RAB3C: variants seen among roughly 807,000 people sequenced by gnomAD.
RAB3C encodes the protein ras-related protein Rab-3C.
RAB3C carries 17 observed loss-of-function variants against 26.4 expected under a neutral mutation model. That is an observed-to-expected ratio of 0.64 (90% CI 0.44 to 0.97). The LOEUF is 0.97. Ranked by LOEUF, RAB3C falls within the 50% of genes least tolerant of loss-of-function variation. RAB3C has a pLI of 0.00. For synonymous variants in RAB3C, 91 were observed against 95.9 expected (o/e 0.95, Z 0.30); for missense variants, 242 against 281.9 (o/e 0.86, Z 1.01).
upstream of RAB3C, chr5:58,582,930 G>T: frequency 1.3e-6 from 1 of 758,258 alleles, no homozygotes. Context: ...GATCGAGCCT[G>T]TTTAATGGTT....
intron 4 of RAB3C, among the ~76,000 whole-genome samples, chr5:58,838,064 A>G (rs1743789032): frequency 6.6e-6 from 1 of 152,030 alleles, no homozygotes; most frequent in African/African-American, 2.4e-5. Context: ...ATGATTTGCC[A>G]ATTTTGCTTA....
chr5:58,699,539 G>A (rs1247729279), intron 2 of RAB3C, among the ~76,000 whole-genome samples: 1 of 152,210 alleles, frequency 6.6e-6, no homozygotes, highest in Non-Finnish European at 1.5e-5. Context: ...GAAGTTGTCT[G>A]CTGCCTTTTG....
intron 2 of RAB3C, among the ~76,000 whole-genome samples, chr5:58,650,885 G>A (rs1056862052): frequency 3.9e-5 from 6 of 152,226 alleles, no homozygotes; most frequent in Non-Finnish European, 8.8e-5. Context: ...AGTCTCAAGG[G>A]CAAAGAAAAG....
chr5:58,821,618 T>C (rs759209592), intron 3 of RAB3C, among the ~76,000 whole-genome samples: 7 of 152,336 alleles, frequency 4.6e-5, no homozygotes, highest in East Asian at 3.9e-4. Context: ...TATTATTAAC[T>C]TAGGTATCAG....
At chr5:58,837,697 TACAGGTGCCCACC>T (rs1743782712) in intron 4 of RAB3C, among the ~76,000 whole-genome samples, 1 of 150,404 alleles carries the variant, frequency 6.6e-6, no homozygotes, top group South Asian at 2.1e-4. Context: ...TAGCTGGAAG[TACAGGTGCCCACC>T]ACCACACCCA....
At chr5:58,763,382 G>A (rs942438229) in intron 3 of RAB3C, among the ~76,000 whole-genome samples, 1 of 152,118 alleles carries the variant, frequency 6.6e-6, no homozygotes, top group Non-Finnish European at 1.5e-5. Context: ...TGTTCTCTAA[G>A]CTTCTTTCCA....
chr5:58,746,981 C>T (rs937146098), intron 3 of RAB3C, among the ~76,000 whole-genome samples: 1 of 152,174 alleles, frequency 6.6e-6, no homozygotes, highest in African/African-American at 2.4e-5. Flanking sequence ...AGGACTGAAG[C>T]AACAGACTTT....
intron 2 of RAB3C, among the ~76,000 whole-genome samples, chr5:58,628,795 G>A (rs1447953348): frequency 1.3e-5 from 2 of 152,162 alleles, no homozygotes; most frequent in East Asian, 3.9e-4. Flanking sequence ...TTGCCAGGCT[G>A]AGCACGCTCC....
intron 2 of RAB3C, among the ~76,000 whole-genome samples, chr5:58,700,508 G>A (rs542609012): frequency 1.3e-4 from 20 of 152,248 alleles, no homozygotes; most frequent in Non-Finnish European, 1.2e-4. Flanking sequence ...ATTAACTTAT[G>A]GATCTAATGG....
intron 3 of RAB3C, among the ~76,000 whole-genome samples, chr5:58,775,282 C>T (rs755833940): frequency 2.2e-4 from 34 of 152,076 alleles, no homozygotes; most frequent in Non-Finnish European, 4.9e-4. Flanking sequence ...GACCTAAGTA[C>T]CAAATGTCAA....
chr5:58,670,516 G>A (rs553245691), intron 2 of RAB3C, among the ~76,000 whole-genome samples: 2 of 152,236 alleles, frequency 1.3e-5, no homozygotes, highest in Admixed American at 1.3e-4. Context: ...TTAAGGACCT[G>A]CCAATTTTCA....
chr5:58,804,820 C>A (rs2112031443), intron 3 of RAB3C, among the ~76,000 whole-genome samples: 1 of 151,998 alleles, frequency 6.6e-6, no homozygotes, highest in African/African-American at 2.4e-5. Context: ...CTATGAGAAA[C>A]ATAAAATAAA....
chr5:58,749,483 A>G (rs866914630), intron 3 of RAB3C, among the ~76,000 whole-genome samples: 1 of 152,370 alleles, frequency 6.6e-6, no homozygotes, highest in African/African-American at 2.4e-5. Flanking sequence ...TGTTAACAAT[A>G]TGAATATGTC....
chr5:58,827,115 C>T (rs1743500037), intron 4 of RAB3C, among the ~76,000 whole-genome samples: 1 of 144,842 alleles, frequency 6.9e-6, no homozygotes, highest in Non-Finnish European at 1.5e-5. Context: ...ACCGATTAAA[C>T]AATATGAAGA....
intron 3 of RAB3C, among the ~76,000 whole-genome samples, chr5:58,790,009 C>T (rs1316872239): frequency 1.3e-5 from 2 of 152,182 alleles, no homozygotes; most frequent in African/African-American, 4.8e-5. Flanking sequence ...GTTTTAAAAG[C>T]TCCCCAGGTG....
rs533306043 is a variant in RAB3C at position 58,643,268 on chromosome 5, T to C, written c.252+25398T>C. Among the ~76,000 whole-genome samples the C allele has an allele frequency of 1.1e-4, 17 of 152,324 alleles. 1 individual carries two copies. The highest frequency in any genetic ancestry group is 3.4e-4 in the African/African-American group (14 of 41,578). On this transcript the variant is annotated intron_variant, in intron 2 of 4. Coordinates refer to ENST00000282878, the MANE Select transcript of RAB3C (RefSeq NM_138453.4). ...GTCCTTTTAAGCTGAAAGAACATTG[T>C]CCTTTTAAGCTGAAAGAACATTGTC...
intron 2 of RAB3C, among the ~76,000 whole-genome samples, chr5:58,651,221 T>A (rs1428559419): frequency 6.6e-6 from 1 of 152,238 alleles, no homozygotes; most frequent in Non-Finnish European, 1.5e-5. Flanking sequence ...AATGCTGATC[T>A]GCACTAGCTG....
intron 3 of RAB3C, among the ~76,000 whole-genome samples, chr5:58,751,872 T>C (rs1741533542): frequency 6.6e-6 from 1 of 152,198 alleles, no homozygotes; most frequent in African/African-American, 2.4e-5. Flanking sequence ...TTCCTTCATT[T>C]GAAGCCTCTC....
chr5:58,767,020 G>A (rs6884818), intron 3 of RAB3C, among the ~76,000 whole-genome samples: 2,262 of 152,108 alleles, frequency 0.015, 53 homozygotes, highest in African/African-American at 0.051. Flanking sequence ...TAGCCAGCGG[G>A]GGGGACTCAG....
Sources: allele counts gnomAD v4.1 joint callset (sites outside exome capture counted in the v4.1 genomes callset), GRCh38; gene constraint gnomAD v4.1.1; transcripts MANE v1.5; gene names NCBI Gene and HGNC (gene_info 2026-07-23, HGNC 2026-07-21).